The following TTC28 variants were observed in gnomAD, a reference collection of about 807,000 sequenced individuals.
TTC28 encodes the protein tetratricopeptide repeat domain 28.
Under a neutral mutation model 198.0 loss-of-function variants are expected in TTC28, and 61 were observed. The observed-to-expected ratio is 0.31, with a 90% CI of 0.25 to 0.38. The LOEUF is 0.38. Ranked by LOEUF, TTC28 falls within the 10% of genes least tolerant of loss-of-function variation. The pLI, the probability that TTC28 is intolerant of heterozygous loss-of-function variation, is 1.00. For synonymous variants in TTC28, 1,171 were observed against 1,297.8 expected, an observed-to-expected ratio of 0.90 and a Z score of 2.10; for missense variants, 2,678 against 3,164.0, an observed-to-expected ratio of 0.85 and a Z score of 3.69.
intron 2 of TTC28, among the ~76,000 whole-genome samples, chr22:28,340,215 A>G (rs1040302427): frequency 6.6e-6 from 1 of 152,136 alleles, no homozygotes; most frequent in African/African-American, 2.4e-5. Context: ...GCTTCGTTCC[A>G]TCATTTCTAA....
At chr22:28,464,714 C>T (rs1477969118) in intron 2 of TTC28, among the ~76,000 whole-genome samples, 2 of 152,146 alleles carry the variant, frequency 1.3e-5, no homozygotes, top group Non-Finnish European at 2.9e-5. Flanking sequence ...TTTATCTCTA[C>T]TTTTTCTACT....
At chr22:28,604,554 G>C (rs1377903409) in intron 2 of TTC28, among the ~76,000 whole-genome samples, 1 of 151,624 alleles carries the variant, frequency 6.6e-6, no homozygotes, top group Non-Finnish European at 1.5e-5. Context: ...GACCAGCCTG[G>C]CCAACATTCT....
At chr22:28,409,537 A>T (rs1313248722) in intron 2 of TTC28, among the ~76,000 whole-genome samples, 1 of 150,514 alleles carries the variant, frequency 6.6e-6, no homozygotes, top group Non-Finnish European at 1.5e-5. Context: ...AATATATATT[A>T]TATATACATA....
At chr22:28,534,216 A>G (rs1353201055) in intron 2 of TTC28, among the ~76,000 whole-genome samples, 1 of 152,236 alleles carries the variant, frequency 6.6e-6, no homozygotes, top group African/African-American at 2.4e-5. Context: ...AATTTACAAG[A>G]AAAACATCAA....
chr22:28,389,172 T>A (rs558857266), intron 2 of TTC28, among the ~76,000 whole-genome samples: 1 of 152,360 alleles, frequency 6.6e-6, no homozygotes, highest in Non-Finnish European at 1.5e-5. Context: ...TGAACCAGAC[T>A]TGCATCACAG....
At chr22:28,014,046 TACCA>T (rs906660109) in intron 14 of TTC28, among the ~76,000 whole-genome samples, 198 bp downstream of exon 14, 6 of 152,124 alleles carry the variant, frequency 3.9e-5, no homozygotes, top group East Asian at 1.9e-4. Flanking sequence ...CCTCATCCAC[TACCA>T]ACCAACCAAC....
intron 2 of TTC28, among the ~76,000 whole-genome samples, chr22:28,460,761 A>T (rs1679431927): frequency 6.6e-6 from 1 of 152,040 alleles, no homozygotes; most frequent in African/African-American, 2.4e-5. Context: ...AGGGCTCCCT[A>T]CAGCCTTGAC....
At chr22:28,100,036 C>A (rs1250017387) in intron 9 of TTC28, among the ~76,000 whole-genome samples, 1 of 152,222 alleles carries the variant, frequency 6.6e-6, no homozygotes, top group Non-Finnish European at 1.5e-5. Flanking sequence ...ATCAGTGAGG[C>A]CATCAGACTT....
intron 5 of TTC28, among the ~76,000 whole-genome samples, chr22:28,235,713 G>A (rs914776919): frequency 6.6e-6 from 1 of 152,078 alleles, no homozygotes; most frequent in Non-Finnish European, 1.5e-5. Context: ...AGGTTGATGG[G>A]GAAAACTGAA....
intron 5 of TTC28, among the ~76,000 whole-genome samples, chr22:28,164,891 G>A (rs1002801245): frequency 1.1e-4 from 17 of 151,972 alleles, no homozygotes; most frequent in African/African-American, 3.9e-4. Context: ...AGCTAAAGGA[G>A]GAAGTTCGAA....
chr22:27,998,854 T>A lies in TTC28; in HGVS notation c.4805A>T (p.Gln1602Leu). 1 of 1,550,204 alleles carries A rather than the reference T, an allele frequency of 6.5e-7. No individual in the cohort carries two copies. The highest frequency in any genetic ancestry group is 8.7e-7 in the Non-Finnish European group (1 of 1,146,988). ...GTCGGCGGCAGTAAGCAGCAGCTCC[T>A]GCAGGGGCGGGCAGTCCGAGATGCT... ...GESISDCPPL[Q>L]ELLLTAADVL... Residue 1602 changes from glutamine (Q) to leucine (L), a missense_variant, in exon 16 of 23, where the codon CAG becomes CTG. Around this residue, in one of 8 missense-constraint regions of TTC28, gnomAD observed 727 missense variants for 861.9 expected, o/e 0.84. Coordinates refer to ENST00000397906, the MANE Select transcript of TTC28 (RefSeq NM_001145418.2).
At chr22:28,510,309 G>A (rs2048670415) in intron 2 of TTC28, among the ~76,000 whole-genome samples, 1 of 152,146 alleles carries the variant, frequency 6.6e-6, no homozygotes, top group Admixed American at 6.5e-5. Flanking sequence ...ACATCACAAA[G>A]CTTATCAACC....
intron 2 of TTC28, among the ~76,000 whole-genome samples, chr22:28,392,495 C>G (rs993051603): frequency 5.9e-5 from 9 of 152,332 alleles, no homozygotes; most frequent in East Asian, 3.9e-4. Flanking sequence ...ATCAGGGAGA[C>G]TCCGTGGGCG....
At chr22:28,548,360 C>T (rs2049587906) in intron 2 of TTC28, among the ~76,000 whole-genome samples, 1 of 152,170 alleles carries the variant, frequency 6.6e-6, no homozygotes, top group South Asian at 2.1e-4. Context: ...GTAGGGTAAG[C>T]GGAGAGACCT....
At chr22:28,426,734 C>T (rs539891977) in intron 2 of TTC28, among the ~76,000 whole-genome samples, 1 of 152,286 alleles carries the variant, frequency 6.6e-6, no homozygotes, top group South Asian at 2.1e-4. Context: ...CCTTCCTTGA[C>T]CTCCCCTCTA....
chr22:28,107,291 C>G lies in TTC28; in HGVS notation c.2554G>C (p.Glu852Gln). The stretch of plus-strand genomic sequence containing the variant: ...TGCTGCTCAAAGTAGCCAATGGCTT[C>G]TTCCATCACATTCATGTTCATCTTT... Reference protein sequence around the residue: ...ITKMNMNVMEEAIGYFEQQLA... With the variant: ...ITKMNMNVMEQAIGYFEQQLA... The change falls in exon 7 of 23, where the codon GAA becomes CAA. Residue 852 changes from glutamate to glutamine, a missense_variant. Glu to Gln is a conservative substitution (Grantham distance 29). Coordinates refer to ENST00000397906, the MANE Select transcript of TTC28 (RefSeq NM_001145418.2). 1 of 1,551,834 alleles carries G rather than the reference C, an allele frequency of 6.4e-7. No individual in the cohort carries two copies. Among genetic ancestry groups the G allele is most frequent in the Non-Finnish European group, 8.7e-7 (1 of 1,147,014 alleles).
Position 27,990,825 on chromosome 22 carries a change from G to A in TTC28, c.5554-13C>T, listed in dbSNP as rs1263027917. 1.9e-6 allele frequency: 3 copies of A among 1,548,164 alleles called. No individual in the cohort carries two copies. The highest frequency in any genetic ancestry group is 2.6e-6 in the Non-Finnish European group (3 of 1,146,668). On this transcript the variant is annotated splice_polypyrimidine_tract_variant and intron_variant, in intron 19 of 22. Transcript: ENST00000397906. The stretch of plus-strand genomic sequence containing the variant: ...TATTTTTAACAGCCTTCGGCCAGCA[G>A]ATTATAAGAAAAAGAAAGAAAGAGA...
chr22:28,449,825 A>G (rs2047754307), intron 2 of TTC28, among the ~76,000 whole-genome samples: 1 of 152,210 alleles, frequency 6.6e-6, no homozygotes, highest in Non-Finnish European at 1.5e-5. Flanking sequence ...GGCAGCAGAA[A>G]CAGAAAAAGG....
Position 28,629,758 on chromosome 22 carries a change from C to T in TTC28, c.175G>A (p.Val59Ile). ...TGATTACTCTGACGAACTTTCTCAA[C>T]AAATTCAGCTTTGCTCAGTACCGGT... ...DGPVLSKAEF[V>I]EKVRQSNQAC... The change falls in exon 2 of 23, where the codon GTT becomes ATT. Residue 59 changes from valine to isoleucine, a missense_variant. Transcript: ENST00000397906. 6.4e-7 allele frequency: 1 copy of T among 1,551,692 alleles called. No homozygotes were observed. The highest frequency in any genetic ancestry group is 8.7e-7 in the Non-Finnish European group (1 of 1,146,994).
Sources: allele counts gnomAD v4.1 joint callset (sites outside exome capture counted in the v4.1 genomes callset), GRCh38; gene constraint gnomAD v4.1.1; regional missense constraint gnomAD v4.1.1; transcripts MANE v1.5; gene names NCBI Gene and HGNC (gene_info 2026-07-23, HGNC 2026-07-21).